CHLSN: variants seen among roughly 807,000 people sequenced by gnomAD.
CHLSN encodes the protein protein cholesin.
chr7:1,027,552 C>T, the CHLSN span, among the ~76,000 whole-genome samples: 1 of 152,276 alleles, frequency 6.6e-6, no homozygotes, highest in Non-Finnish European at 1.5e-5. Flanking sequence ...GACGCAGCAG[C>T]GGCAGAGCCT....
At chr7:1,044,636 G>A in the CHLSN span, 1 of 151,718 alleles carries the variant, frequency 6.6e-6, no homozygotes, top group Non-Finnish European at 1.5e-5. Context: ...CGGCGACTGC[G>A]CCGGCCGCCG....
chr7:1,070,419 C>T, the CHLSN span, among the ~76,000 whole-genome samples: 1 of 122,824 alleles, frequency 8.1e-6, no homozygotes, highest in South Asian at 2.7e-4. Flanking sequence ...CTCTGCCCGG[C>T]CGCCCCTACT....
At chr7:1,034,374 C>T in the CHLSN span, among the ~76,000 whole-genome samples, 3 of 149,162 alleles carry the variant, frequency 2.0e-5, no homozygotes, top group Admixed American at 6.8e-5. Context: ...TCATGCAACT[C>T]CTACCGTAAA....
At chr7:1,120,752 G>A in the CHLSN span, among the ~76,000 whole-genome samples, 1 of 152,378 alleles carries the variant, frequency 6.6e-6, no homozygotes, top group African/African-American at 2.4e-5. Context: ...GTAAACGGGT[G>A]AGAGAATCTG....
At chr7:1,108,461 G>A in the CHLSN span, among the ~76,000 whole-genome samples, 2 of 152,310 alleles carry the variant, frequency 1.3e-5, no homozygotes, top group East Asian at 1.9e-4. Flanking sequence ...GCACCTATCT[G>A]CTGCGGACTC....
the CHLSN span, among the ~76,000 whole-genome samples, chr7:1,111,464 C>A: frequency 6.6e-6 from 1 of 152,194 alleles, no homozygotes; most frequent in Non-Finnish European, 1.5e-5. Flanking sequence ...TTGAACAAAA[C>A]AGTCTTTATT....
chr7:1,084,005 C>T, the CHLSN span, among the ~76,000 whole-genome samples: 1 of 152,394 alleles, frequency 6.6e-6, no homozygotes, highest in East Asian at 1.9e-4. Context: ...CTAACCTCCC[C>T]AGGCCGGAAT....
chr7:1,050,621 C>G, the CHLSN span, among the ~76,000 whole-genome samples: 240 of 152,338 alleles, frequency 1.6e-3, no homozygotes, highest in African/African-American at 5.3e-3. Context: ...GGAAGTAAGG[C>G]CCAGCAGCCT....
At chr7:1,027,682 G>C in the CHLSN span, among the ~76,000 whole-genome samples, 4 of 152,280 alleles carry the variant, frequency 2.6e-5, no homozygotes, top group African/African-American at 7.2e-5. Context: ...AGCACCCACC[G>C]CGCCAGTGGG....
At chr7:987,606 G>A in the CHLSN span, 18 of 1,361,436 alleles carry the variant, frequency 1.3e-5, no homozygotes, top group South Asian at 5.9e-5. Flanking sequence ...GCACTGGGAC[G>A]GCTGAGCGTC....
At chr7:1,091,776 A>G in the CHLSN span, 1,665 of 1,572,954 alleles carry the variant, frequency 1.1e-3, 12 homozygotes, top group African/African-American at 0.019. Flanking sequence ...AGATGTACCC[A>G]GGCACCGCGC....
chr7:1,099,189 A>G, the CHLSN span, among the ~76,000 whole-genome samples: 1 of 146,530 alleles, frequency 6.8e-6, no homozygotes, highest in African/African-American at 2.5e-5. Context: ...CCCCTTCCGG[A>G]GCCTCGCTGT....
At chr7:1,094,017 CTG>C in the CHLSN span, among the ~76,000 whole-genome samples, 770 of 152,362 alleles carry the variant, frequency 5.1e-3, 6 homozygotes, top group East Asian at 0.024. Flanking sequence ...GGGGGCACTT[CTG>C]TGTCATGCTT....
At chr7:1,135,853 A>T in the CHLSN span, among the ~76,000 whole-genome samples, 1 of 134,816 alleles carries the variant, frequency 7.4e-6, no homozygotes, top group Non-Finnish European at 1.5e-5. Context: ...ATAAATATGT[A>T]TTTATATAAA....
the CHLSN span, chr7:987,229 G>A: frequency 6.5e-7 from 1 of 1,534,502 alleles, no homozygotes; most frequent in Non-Finnish European, 8.8e-7. Flanking sequence ...TGATGGGCCG[G>A]CACCCGGACG....
chr7:1,058,712 C>A, the CHLSN span: 1 of 599,968 alleles, frequency 1.7e-6, no homozygotes, highest in Admixed American at 3.1e-5. Flanking sequence ...TGGCATCTGG[C>A]TTGAGTCTCC....
the CHLSN span, among the ~76,000 whole-genome samples, chr7:1,075,040 T>C: frequency 2.0e-5 from 3 of 152,318 alleles, no homozygotes; most frequent in East Asian, 3.9e-4. Flanking sequence ...GGGCGCAGAA[T>C]GGACCAAGAA....
the CHLSN span, among the ~76,000 whole-genome samples, chr7:1,036,322 C>T: frequency 6.6e-6 from 1 of 151,386 alleles, no homozygotes. Context: ...GTGCAGGGTT[C>T]GGGTGCTCGT....
the CHLSN span, among the ~76,000 whole-genome samples, chr7:1,083,791 C>T: frequency 6.6e-6 from 1 of 152,162 alleles, no homozygotes; most frequent in African/African-American, 2.4e-5. Flanking sequence ...GACAGGACGG[C>T]GGCACCGACG....
Sources: allele counts gnomAD v4.1 joint callset (sites outside exome capture counted in the v4.1 genomes callset), GRCh38; gene constraint gnomAD v4.1.1; transcripts MANE v1.5; gene names NCBI Gene and HGNC (gene_info 2026-07-23, HGNC 2026-07-21).